The following FBXL13 variants were observed in gnomAD, a reference collection of about 807,000 sequenced individuals.
FBXL13 encodes F-box and leucine-rich repeat protein 13.
Under a neutral mutation model 83.6 loss-of-function variants are expected in FBXL13, and 67 were observed. The ratio of observed to expected loss-of-function variants is 0.80; its 90% CI spans 0.66 to 0.98. The LOEUF (loss-of-function observed/expected upper bound fraction) is 0.98. Ranked by LOEUF, FBXL13 falls within the 50% of genes least tolerant of loss-of-function variation. FBXL13 has a pLI of 0.00. For missense variants in FBXL13, 822 were observed against 866.5 expected (o/e 0.95, Z 0.64); for synonymous variants, 272 against 299.5 (o/e 0.91, Z 0.95).
chr7:102,855,465 C>T (rs974127931), intron 16 of FBXL13, among the ~76,000 whole-genome samples: 4 of 151,784 alleles, frequency 2.6e-5, no homozygotes, highest in Non-Finnish European at 5.9e-5. Flanking sequence ...TTGTGTTGTC[C>T]CATTTCTCAG....
At position 102,895,003 on chromosome 7, in the gene FBXL13, G is replaced by A. The variant is rs576110524; in HGVS notation, c.1009-10691C>T. Among the ~76,000 whole-genome samples the A allele has an allele frequency of 5.3e-5, 8 of 152,248 alleles. No homozygotes were observed. The East Asian group carries it at 1.5e-3, about 29-fold the overall frequency. On this transcript the variant is annotated intron_variant, in intron 11 of 19. Coordinates refer to ENST00000313221, the Ensembl canonical transcript of FBXL13. Reference sequence around the variant, plus strand: ...CAAGCTTATCAAAGTCCTACTATGAGCCAGGTATTGTATTATTTGCTAAGG... The same window carrying A: ...CAAGCTTATCAAAGTCCTACTATGAACCAGGTATTGTATTATTTGCTAAGG...
chr7:102,880,428 C>A (rs1426832980), intron 14 of FBXL13, among the ~76,000 whole-genome samples: 1 of 152,206 alleles, frequency 6.6e-6, no homozygotes, highest in Non-Finnish European at 1.5e-5. Flanking sequence ...TTCTAATCTG[C>A]TGATCAGCAT....
rs766179436 is a variant in FBXL13, at chr7:102,884,292, C to CT, written c.1028_1029insA (p.Tyr344ValfsTer15). 2.0e-5 allele frequency: 32 copies of CT among 1,613,426 alleles called. No individual in the cohort carries two copies. The highest frequency in any genetic ancestry group is 2.5e-5 in the Non-Finnish European group (30 of 1,179,620). ...TTCCAGTGCAGCTGTTTGCAATGTACCTGAAGCCTTGGACTGAAATCTGAA... is the reference window on the plus strand; with the variant it reads ...TTCCAGTGCAGCTGTTTGCAATGTACTCTGAAGCCTTGGACTGAAATCTGAA... On this transcript the variant is annotated frameshift_variant, in exon 12 of 20. Coordinates refer to ENST00000313221, the Ensembl canonical transcript of FBXL13. LOFTEE classifies it high-confidence loss of function.
At chr7:102,959,402 ATATG>A (rs1824817986) in intron 8 of FBXL13, among the ~76,000 whole-genome samples, 1 of 151,932 alleles carries the variant, frequency 6.6e-6, no homozygotes, top group Non-Finnish European at 1.5e-5. Context: ...ATATGTCACT[ATATG>A]TGTGTGTACT....
At chr7:103,060,063 T>TATACAC (rs1429819167) in intron 1 of FBXL13, among the ~76,000 whole-genome samples, 4 of 115,244 alleles carry the variant, frequency 3.5e-5, no homozygotes, top group African/African-American at 1.2e-4. Flanking sequence ...TATATATATA[T>TATACAC]ACTTTTTTTT....
At chr7:103,033,047 G>A (rs891384920) in intron 2 of FBXL13, among the ~76,000 whole-genome samples, 5 of 151,794 alleles carry the variant, frequency 3.3e-5, no homozygotes, top group Admixed American at 6.6e-5. Flanking sequence ...GTCTGTCTCT[G>A]TCTCTCTCTC....
At chr7:102,956,193 G>A (rs1360501165) in intron 8 of FBXL13, among the ~76,000 whole-genome samples, 5 of 152,094 alleles carry the variant, frequency 3.3e-5, no homozygotes, top group Non-Finnish European at 7.4e-5. Flanking sequence ...CCACAATCAA[G>A]TTGGCTTCAT....
intron 11 of FBXL13, among the ~76,000 whole-genome samples, chr7:102,892,723 CTTATA>C (rs1811690924): frequency 6.6e-6 from 1 of 152,114 alleles, no homozygotes; most frequent in Non-Finnish European, 1.5e-5. Context: ...AAATGATATT[CTTATA>C]TTAAAAACCA....
At chr7:102,914,559 C>T (rs1815443271) in intron 10 of FBXL13, among the ~76,000 whole-genome samples, 1 of 152,214 alleles carries the variant, frequency 6.6e-6, no homozygotes, top group Non-Finnish European at 1.5e-5. Context: ...GTTTACCTCC[C>T]ATAAATGGGA....
intron 6 of FBXL13, among the ~76,000 whole-genome samples, chr7:102,970,751 G>C (rs1378346335): frequency 6.6e-6 from 1 of 152,148 alleles, no homozygotes; most frequent in African/African-American, 2.4e-5. Flanking sequence ...GGGAAGATCT[G>C]TAAAAGAACC....
In FBXL13 at chr7:102,867,867, A is replaced by AT. The variant is rs142800056; in HGVS notation, c.1635+9599dup. ...AGGTGCCTGCCACCATGCCTGGCTA[A>AT]TTTTTTTTGTATTTTTGGTAGAGAC... On this transcript the variant is annotated intron_variant, in intron 16 of 19. Transcript: ENST00000313221. Among the ~76,000 whole-genome samples, 11 of 150,260 alleles carry AT rather than the reference A, an allele frequency of 7.3e-5. No homozygotes were observed. The South Asian group carries it at 8.4e-4, about 12-fold the overall frequency.
chr7:102,933,648 G>A (rs1819656102), intron 8 of FBXL13: 1 of 243,818 alleles, frequency 4.1e-6, no homozygotes, highest in Admixed American at 5.0e-5. Flanking sequence ...AGAGGGGAAG[G>A]AGCTTTCTAC....
intron 19 of FBXL13, among the ~76,000 whole-genome samples, chr7:102,818,823 T>C (rs568301605): frequency 6.6e-6 from 1 of 152,346 alleles, no homozygotes; most frequent in African/African-American, 2.4e-5. Flanking sequence ...CAGGAGTACA[T>C]GTACAAGATG....
chr7:102,850,794 T>TGG (rs2129450960), intron 17 of FBXL13, among the ~76,000 whole-genome samples: 1 of 152,308 alleles, frequency 6.6e-6, no homozygotes, highest in South Asian at 2.1e-4. Flanking sequence ...CTATTAAATA[T>TGG]ACTACCAGGC....
intron 8 of FBXL13, among the ~76,000 whole-genome samples, chr7:102,951,996 C>T (rs1028275036): frequency 6.6e-6 from 1 of 151,930 alleles, no homozygotes; most frequent in African/African-American, 2.4e-5. Flanking sequence ...TATATACATA[C>T]AATAAAATAT....
chr7:102,948,628 T>C (rs756149418), intron 8 of FBXL13, among the ~76,000 whole-genome samples: 5 of 151,864 alleles, frequency 3.3e-5, no homozygotes, highest in Admixed American at 6.6e-5. Flanking sequence ...TTTCACCATG[T>C]TAGCCAGGAT....
At chr7:102,827,733 GT>G (rs1224730078) in intron 18 of FBXL13, among the ~76,000 whole-genome samples, 4 of 151,902 alleles carry the variant, frequency 2.6e-5, no homozygotes, top group African/African-American at 7.3e-5. Flanking sequence ...GTGTCCATGT[GT>G]TCTCATTGTT....
intron 18 of FBXL13, among the ~76,000 whole-genome samples, chr7:102,823,974 A>C (rs2129445969): frequency 6.6e-6 from 1 of 152,292 alleles, no homozygotes; most frequent in South Asian, 2.1e-4. Context: ...AGGCCCACAG[A>C]ATTGTAGAAG....
chr7:103,074,493 T>C, exon 1 of FBXL13: 15 of 1,161,574 alleles, frequency 1.3e-5, no homozygotes, highest in Non-Finnish European at 1.6e-5. Flanking sequence ...ACCATCACCC[T>C]CTGTTTTCTC....
Sources: allele counts gnomAD v4.1 joint callset (sites outside exome capture counted in the v4.1 genomes callset), GRCh38; gene constraint gnomAD v4.1.1; transcripts MANE v1.5; gene names NCBI Gene and HGNC (gene_info 2026-07-23, HGNC 2026-07-21).